The following ZNF407 variants were observed in gnomAD, a reference collection of about 807,000 sequenced individuals.
ZNF407 encodes the protein zinc finger protein 407.
Under a neutral mutation model 131.2 loss-of-function variants are expected in ZNF407, and 17 were observed. The ratio of observed to expected loss-of-function variants is 0.13; its 90% confidence interval spans 0.09 to 0.19. The LOEUF (loss-of-function observed/expected upper bound fraction) is 0.19, where lower values mean the gene tolerates loss of function less well. ZNF407 is among the 10% of genes least tolerant of loss of function. ZNF407 has a pLI of 1.00. For synonymous variants in ZNF407, 1,156 were observed against 1,062.0 expected, an observed-to-expected ratio of 1.09 and a Z score of -1.72; for missense variants, 2,681 against 2,830.6, an observed-to-expected ratio of 0.95 and a Z score of 1.20.
intron 1 of ZNF407, among the ~76,000 whole-genome samples, chr18:74,613,636 G>T (rs1240365068): frequency 6.6e-6 from 1 of 152,188 alleles, no homozygotes; most frequent in Non-Finnish European, 1.5e-5. Context: ...GGGAAATACA[G>T]AACATAGGTT....
At chr18:74,701,747 T>A (rs1472925845) in intron 3 of ZNF407, among the ~76,000 whole-genome samples, 1 of 152,212 alleles carries the variant, frequency 6.6e-6, no homozygotes, top group African/African-American at 2.4e-5. Context: ...TTCTAGCTGC[T>A]TTTATATTCT....
At chr18:74,997,581 G>C (rs2920352) in intron 8 of ZNF407, among the ~76,000 whole-genome samples, 1 of 152,108 alleles carries the variant, frequency 6.6e-6, no homozygotes, top group Admixed American at 6.5e-5. Flanking sequence ...CCATGTGTCC[G>C]TGGAGTGGTT....
At chr18:74,981,165 A>G (rs4260152) in intron 8 of ZNF407, among the ~76,000 whole-genome samples, 27,480 of 152,270 alleles carry the variant, frequency 0.18, 2,762 homozygotes, top group Admixed American at 0.29. Flanking sequence ...GCTGCAGGAC[A>G]GTGTCTTGAT....
In ZNF407 at chr18:74,890,053, C is replaced by T. The variant is rs1158004246; in HGVS notation, c.5249+15C>T. On this transcript the variant is annotated intron_variant, in intron 7 of 8. Transcript: ENST00000299687. ...TGTGACTACAGGTAATGACTCATCA[C>T]TGAGCAGTCAAATCAGGTGGGCCGC... 1 of 1,526,666 alleles carries T rather than the reference C, an allele frequency of 6.6e-7. No individual in the cohort carries two copies. Among genetic ancestry groups the T allele is most frequent in the Non-Finnish European group, 8.8e-7 (1 of 1,140,522 alleles). The allele number at this position is 1,526,666 out of a possible 1,614,324, so 94.6% of individuals were successfully genotyped here.
At chr18:74,726,749 G>A (rs1463453) in intron 3 of ZNF407, among the ~76,000 whole-genome samples, 105,235 of 152,008 alleles carry the variant, frequency 0.69, 37,283 homozygotes, top group East Asian at 0.85. Context: ...GTACACATTA[G>A]TTTTCATCTC....
At chr18:75,043,151 G>C (rs1973393283) in intron 8 of ZNF407, among the ~76,000 whole-genome samples, 1 of 152,164 alleles carries the variant, frequency 6.6e-6, no homozygotes, top group Non-Finnish European at 1.5e-5. Context: ...GAGAGCTCCA[G>C]GTGCTCCGCG....
At chr18:74,852,215 ACG>A (rs1167790874) in intron 4 of ZNF407, among the ~76,000 whole-genome samples, 4 of 151,740 alleles carry the variant, frequency 2.6e-5, no homozygotes, top group Non-Finnish European at 4.4e-5. Context: ...ACGCACGCGC[ACG>A]CGCGCGCGCA....
chr18:74,934,662 C>T (rs945215442), intron 8 of ZNF407, among the ~76,000 whole-genome samples: 8 of 152,226 alleles, frequency 5.3e-5, no homozygotes, highest in Non-Finnish European at 8.8e-5. Flanking sequence ...AAAAATTAGC[C>T]GGACATGGTG....
intron 8 of ZNF407, among the ~76,000 whole-genome samples, chr18:74,999,369 A>AC (rs1223316587): frequency 6.7e-6 from 1 of 150,062 alleles, no homozygotes; most frequent in African/African-American, 2.5e-5. Flanking sequence ...AAAAAAAAAA[A>AC]AAAAAACAAA....
intron 1 of ZNF407, among the ~76,000 whole-genome samples, chr18:74,608,487 C>T (rs1350633323): frequency 1.3e-5 from 2 of 152,060 alleles, no homozygotes; most frequent in Non-Finnish European, 2.9e-5. Flanking sequence ...GCTGGGATTA[C>T]AGGAGTGCAC....
chr18:74,661,136 A>G (rs1432833594), intron 3 of ZNF407, among the ~76,000 whole-genome samples: 1 of 152,140 alleles, frequency 6.6e-6, no homozygotes, highest in Non-Finnish European at 1.5e-5. Context: ...ATCAATATGC[A>G]TGATCCCTTT....
At chr18:74,961,661 A>G (rs958790104) in intron 8 of ZNF407, among the ~76,000 whole-genome samples, 3 of 152,008 alleles carry the variant, frequency 2.0e-5, no homozygotes, top group Admixed American at 1.3e-4. Flanking sequence ...CGGAAGCTGC[A>G]GTGAGCCAAA....
At chr18:75,051,972 T>C (rs1434225158) in intron 8 of ZNF407, among the ~76,000 whole-genome samples, 1 of 152,156 alleles carries the variant, frequency 6.6e-6, no homozygotes, top group Non-Finnish European at 1.5e-5. Context: ...CCCGCCTACT[T>C]AACTCATGTC....
chr18:74,963,501 A>G (rs4538098), intron 8 of ZNF407, among the ~76,000 whole-genome samples: 4,812 of 151,648 alleles, frequency 0.032, 294 homozygotes, highest in African/African-American at 0.11. Context: ...GAACTACTCG[A>G]TTTTTTTTTA....
chr18:74,781,403 A>T (rs1480493458), intron 3 of ZNF407, 25 bp from the exon 4 acceptor site: 1 of 1,479,924 alleles, frequency 6.8e-7, no homozygotes, highest in Non-Finnish European at 9.2e-7. Context: ...TTTTAGTTTT[A>T]TAATTACTTT....
intron 4 of ZNF407, among the ~76,000 whole-genome samples, chr18:74,791,702 A>T (rs558179792): frequency 2.0e-5 from 3 of 152,142 alleles, no homozygotes; most frequent in East Asian, 3.9e-4. Flanking sequence ...CCAAATAGTC[A>T]CATCTTACCA....
intron 8 of ZNF407, among the ~76,000 whole-genome samples, chr18:74,927,619 A>T (rs1368176689): frequency 4.6e-5 from 7 of 152,232 alleles, no homozygotes; most frequent in Non-Finnish European, 8.8e-5. Context: ...AAAAAGAGTA[A>T]CATTGTTTAG....
intron 3 of ZNF407, among the ~76,000 whole-genome samples, chr18:74,685,322 A>T (rs998994667): frequency 6.6e-6 from 1 of 152,172 alleles, no homozygotes; most frequent in Non-Finnish European, 1.5e-5. Flanking sequence ...TTATGTGTTC[A>T]TCTGTACTTT....
intron 4 of ZNF407, among the ~76,000 whole-genome samples, chr18:74,815,312 C>T (rs932028301): frequency 4.6e-5 from 7 of 151,978 alleles, no homozygotes; most frequent in African/African-American, 1.7e-4. Flanking sequence ...TCTACATTTC[C>T]TTTGTTTTAA....
Sources: gnomAD v4.1 joint callset for allele counts (sites outside exome capture counted in the v4.1 genomes callset) on GRCh38, gnomAD v4.1.1 for gene constraint, MANE v1.5 for transcripts, NCBI Gene and HGNC (gene_info 2026-07-23, HGNC 2026-07-21) for gene names.